Variants in GMDS observed in about 807,000 individuals in gnomAD.
GMDS encodes the protein GDP-mannose 4,6-dehydratase.
GMDS carries 20 observed loss-of-function variants against 49.9 expected under a neutral mutation model. That is an observed-to-expected ratio of 0.40 (90% CI 0.28 to 0.58). GMDS has a LOEUF of 0.58. Ranked by LOEUF, GMDS falls within the 20% of genes least tolerant of loss-of-function variation. The probability of loss-of-function intolerance (pLI) is 0.42; values close to 1 mark genes in which losing one functional copy is unlikely to be tolerated. For synonymous variants in GMDS, 177 were observed against 178.6 expected, an observed-to-expected ratio of 0.99 and a Z score of 0.07; for missense variants, 362 against 481.4, an observed-to-expected ratio of 0.75 and a Z score of 2.32.
rs112840304 is a variant in GMDS at position 1,784,847 on chromosome 6, T to C, written c.772-42261A>G. Reference sequence around the variant, plus strand: ...GTCATTCTCCAAGCTACAACTGTTATGCCTTTGCGGATCTGACTGAGGGAG... The same window carrying C: ...GTCATTCTCCAAGCTACAACTGTTACGCCTTTGCGGATCTGACTGAGGGAG... On this transcript the variant is annotated intron_variant, in intron 7 of 10. Transcript: ENST00000380815. 9.2e-3 allele frequency among the ~76,000 whole-genome samples: 1,396 copies of C among 152,358 alleles called. 24 individuals carry two copies. The highest frequency in any genetic ancestry group is 0.032 in the African/African-American group (1,329 of 41,576).
intron 7 of GMDS, among the ~76,000 whole-genome samples, chr6:1,874,696 A>G (rs938832071): frequency 6.6e-6 from 1 of 152,196 alleles, no homozygotes; most frequent in Admixed American, 6.5e-5. Context: ...AAATACGTAT[A>G]TATAATATAC....
intron 1 of GMDS, among the ~76,000 whole-genome samples, chr6:2,129,255 T>C (rs1397491965): frequency 1.3e-5 from 2 of 152,018 alleles, no homozygotes; most frequent in East Asian, 3.9e-4. Context: ...TGATCTCACA[T>C]CCACACATCC....
intron 1 of GMDS, among the ~76,000 whole-genome samples, chr6:2,243,494 A>G (rs1407106363): frequency 2.0e-5 from 3 of 152,174 alleles, no homozygotes; most frequent in Non-Finnish European, 4.4e-5. Context: ...GATTAGGTAA[A>G]CTTGGTAAAC....
rs1292927276 is a variant in GMDS at position 2,144,647 on chromosome 6, G to A, written c.103-19916C>T. Among the ~76,000 whole-genome samples, 4 of 152,176 alleles carry A rather than the reference G, an allele frequency of 2.6e-5. No homozygotes were observed. The East Asian group carries it at 7.7e-4, about 29-fold the overall frequency. ...ATCTCAAAGGCATGCTCCTGGCTAG[G>A]CCCTGGCTCCCTCTCAGAACTGGCT... On this transcript the variant is annotated intron_variant, in intron 1 of 10. Coordinates refer to ENST00000380815, the MANE Select transcript of GMDS (RefSeq NM_001500.4).
chr6:2,205,692 T>C (rs1351615436), intron 1 of GMDS, among the ~76,000 whole-genome samples: 3 of 152,174 alleles, frequency 2.0e-5, no homozygotes, highest in Admixed American at 6.5e-5. Context: ...GCATCTCTGC[T>C]TCCATCTCTT....
At position 1,626,562 on chromosome 6, in the gene GMDS, T is replaced by C. The variant is rs534654240; in HGVS notation, c.988-2022A>G. Among the ~76,000 whole-genome samples the C allele has an allele frequency of 7.9e-5, 12 of 152,328 alleles. No homozygotes were observed. In the South Asian group the frequency reaches 1.9e-3, roughly 24 times the overall value. ...TTTTTCCCCAGAGGAAGCTGTGCAATGTGGAGTCATGCAGCCCATCCCTCC... is the reference window on the plus strand; with the variant it reads ...TTTTTCCCCAGAGGAAGCTGTGCAACGTGGAGTCATGCAGCCCATCCCTCC... On this transcript the variant is annotated intron_variant, in intron 9 of 10. Coordinates refer to ENST00000380815, the MANE Select transcript of GMDS (RefSeq NM_001500.4).
At chr6:2,050,768 C>A (rs1278587973) in intron 4 of GMDS, among the ~76,000 whole-genome samples, 2 of 152,050 alleles carry the variant, frequency 1.3e-5, no homozygotes, top group African/African-American at 4.8e-5. Flanking sequence ...ACAGAACCAA[C>A]AACAAAAACC....
chr6:1,694,049 T>C (rs899704615), intron 9 of GMDS, among the ~76,000 whole-genome samples: 6 of 152,224 alleles, frequency 3.9e-5, no homozygotes, highest in Non-Finnish European at 7.3e-5. Context: ...ACTGCAGTTC[T>C]GAAGGCACTA....
intron 7 of GMDS, among the ~76,000 whole-genome samples, chr6:1,896,364 C>T (rs994216068): frequency 2.0e-5 from 3 of 152,132 alleles, no homozygotes; most frequent in African/African-American, 7.2e-5. Context: ...CCATAACATT[C>T]TTGAGGAACT....
At chr6:2,098,477 T>C (rs183020544) in intron 4 of GMDS, among the ~76,000 whole-genome samples, 13 of 152,230 alleles carry the variant, frequency 8.5e-5, no homozygotes, top group Admixed American at 6.5e-4. Flanking sequence ...ATCTAAGAAT[T>C]TGTACGTAGT....
intron 1 of GMDS, among the ~76,000 whole-genome samples, chr6:2,232,793 A>G (rs1781171031): frequency 1.3e-5 from 2 of 152,182 alleles, no homozygotes; most frequent in South Asian, 4.1e-4. Flanking sequence ...GCTCATGCAC[A>G]TCTCAGGCCT....
At chr6:1,722,656 G>A (rs1364748743) in intron 9 of GMDS, among the ~76,000 whole-genome samples, 1 of 152,164 alleles carries the variant, frequency 6.6e-6, no homozygotes, top group Non-Finnish European at 1.5e-5. Context: ...GGGAACAGAG[G>A]CACTGAGAAG....
At chr6:1,885,936 G>A (rs534137711) in intron 7 of GMDS, among the ~76,000 whole-genome samples, 3 of 152,238 alleles carry the variant, frequency 2.0e-5, no homozygotes, top group African/African-American at 4.8e-5. Context: ...TTCCCAGACC[G>A]CTCTGATTAC....
chr6:1,713,737 A>T (rs1252437276), intron 9 of GMDS, among the ~76,000 whole-genome samples: 1 of 152,194 alleles, frequency 6.6e-6, no homozygotes, highest in African/African-American at 2.4e-5. Context: ...AAGGAAAATC[A>T]GCAACTGTTT....
intron 1 of GMDS, among the ~76,000 whole-genome samples, chr6:2,223,166 C>CACAT (rs1561669606): frequency 6.6e-6 from 1 of 151,646 alleles, no homozygotes; most frequent in Non-Finnish European, 1.5e-5. Context: ...TATATACACA[C>CACAT]ATATATATAT....
intron 4 of GMDS, among the ~76,000 whole-genome samples, chr6:2,101,944 C>A (rs1406200735): frequency 2.6e-5 from 4 of 152,054 alleles, no homozygotes; most frequent in South Asian, 2.1e-4. Flanking sequence ...GGTATTTTAA[C>A]CTCAAACAAC....
chr6:1,854,411 A>G (rs114574188), intron 7 of GMDS, among the ~76,000 whole-genome samples: 4,290 of 152,324 alleles, frequency 0.028, 199 homozygotes, highest in African/African-American at 0.097. Flanking sequence ...CAAACTTCCA[A>G]TGTTCTCTGT....
chr6:1,875,237 T>C (rs1415061898), intron 7 of GMDS, among the ~76,000 whole-genome samples: 2 of 152,154 alleles, frequency 1.3e-5, no homozygotes, highest in Non-Finnish European at 2.9e-5. Context: ...TATTTGAATA[T>C]CTCTGATTTG....
intron 7 of GMDS, among the ~76,000 whole-genome samples, chr6:1,809,284 T>C (rs1360038412): frequency 6.6e-6 from 1 of 152,220 alleles, no homozygotes; most frequent in Non-Finnish European, 1.5e-5. Context: ...AAAATACTAG[T>C]GTCCAGACAT....
Sources: gnomAD v4.1 joint callset for allele counts (sites outside exome capture counted in the v4.1 genomes callset) on GRCh38, gnomAD v4.1.1 for gene constraint, MANE v1.5 for transcripts, NCBI Gene and HGNC (gene_info 2026-07-23, HGNC 2026-07-21) for gene names.